KRT6B: variants seen among roughly 807,000 people sequenced by gnomAD.
KRT6B encodes the protein keratin, type II cytoskeletal 6B.
Under a neutral mutation model 44.7 loss-of-function variants are expected in KRT6B, and 29 were observed. That is an observed-to-expected ratio of 0.65 (90% CI 0.48 to 0.88). KRT6B has a LOEUF of 0.88. KRT6B is among the 40% of genes least tolerant of loss of function. KRT6B has a pLI of 0.00. For synonymous variants in KRT6B, 213 were observed against 296.0 expected (o/e 0.72, Z 2.88); for missense variants, 600 against 724.0 (o/e 0.83, Z 1.97).
Position 52,447,281 on chromosome 12 carries a change from G to T in KRT6B, c.1604C>A (p.Thr535Asn). The T allele has an allele frequency of 3.7e-6, 6 of 1,614,028 alleles. No homozygotes were observed. The highest frequency in any genetic ancestry group is 1.1e-5 in the South Asian group (1 of 91,072). ...GGFSSSSGRA[T>N]GGGLSSVGGG... ...TCCAACAGAGCTGAGGCCACCCCCA[G>T]TGGCTCTGCCGCTGCTGGAACTAAA... The change falls in exon 9 of 9, where the codon ACT becomes AAT. Residue 535 changes from threonine (T) to asparagine (N), a missense_variant. Transcript: ENST00000252252.
At chr12:52,448,694 G>C (rs747181350) in intron 6 of KRT6B, 148 bp downstream of exon 6, 57 of 1,307,026 alleles carry the variant, frequency 4.4e-5, no homozygotes, top group Non-Finnish European at 6.1e-5. Context: ...CTGAGCCAGA[G>C]TGTTCTCACT....
At position 52,447,461 on chromosome 12, in the gene KRT6B, C is replaced by T. The variant is rs981009973; in HGVS notation, c.1460-36G>A. The T allele has an allele frequency of 5.0e-6, 8 of 1,613,898 alleles. No individual in the cohort carries two copies. In the African/African-American group the frequency reaches 6.7e-5, roughly 13 times the overall value. ...GAGGGGACAAGGACACAAGAAGCCACAATGAGTTCATCCTGCCGGCCTGAG... is the reference window on the plus strand; with the variant it reads ...GAGGGGACAAGGACACAAGAAGCCATAATGAGTTCATCCTGCCGGCCTGAG... On this transcript the variant is annotated intron_variant, in intron 8 of 8. Transcript: ENST00000252252.
At chr12:52,449,107 G>C in intron 5 of KRT6B, 140 bp from the exon 6 acceptor site, 1 of 1,456,766 alleles carries the variant, frequency 6.9e-7, no homozygotes, top group Non-Finnish European at 9.5e-7. Context: ...TTGATGTTAT[G>C]TGGTGGGTGG....
At chr12:52,448,044 G>A (rs1156299924) in intron 6 of KRT6B, 46 bp from the exon 7 acceptor site, 5 of 1,612,964 alleles carry the variant, frequency 3.1e-6, no homozygotes, top group Middle Eastern at 1.7e-4. Flanking sequence ...TGGTCTTCCA[G>A]AGAAGAATAA....
In KRT6B at chr12:52,449,852, T is replaced by C; in HGVS notation, c.818A>G (p.Asp273Gly). 6.2e-7 allele frequency: 1 copy of C among 1,613,928 alleles called. No homozygotes were observed. The highest frequency in any genetic ancestry group is 8.5e-7 in the Non-Finnish European group (1 of 1,179,852). Residue 273 changes from aspartate (D) to glycine (G), a missense_variant and splice_region_variant, in exon 4 of 9, where the codon GAT (aspartate) becomes GGT (glycine). Physicochemically the swap from Asp to Gly is moderately conservative, Grantham distance 94. This residue lies in a region of KRT6B where 479 missense variants were observed against 454.2 expected (regional missense o/e 1.05). Coordinates refer to ENST00000252252, the MANE Select transcript of KRT6B (RefSeq NM_005555.4). ...AENEFVTLKK[D>G]VDAAYMNKVE... ...CTTGTTCATGTAGGCAGCATCCACA[T>C]CCTGGGGAAAGAGCCAACAACCTGG...
Position 52,447,815 on chromosome 12 carries a change from C to T in KRT6B, c.1387G>A (p.Ala463Thr), listed in dbSNP as rs772103229. The change falls in exon 7 of 9, where the codon GCC becomes ACC. Residue 463 changes from alanine to threonine, a missense_variant. This residue lies in a region of KRT6B where 479 missense variants were observed against 454.2 expected (regional missense o/e 1.05). Coordinates refer to ENST00000252252, the MANE Select transcript of KRT6B (RefSeq NM_005555.4). Reference sequence around the variant, plus strand: ...CCCTCCAGCAGCTTGCGGTAGGTGGCGATCTCCACATCCAGGGCCAGCTTG... The same window carrying T: ...CCCTCCAGCAGCTTGCGGTAGGTGGTGATCTCCACATCCAGGGCCAGCTTG... The part of the protein sequence containing the change: ...NVKLALDVEI[A>T]TYRKLLEGEE... The T allele has an allele frequency of 3.0e-5, 48 of 1,613,970 alleles. No individual in the cohort carries two copies. The highest frequency in any genetic ancestry group is 2.2e-4 in the Admixed American group (13 of 59,998).
rs755045926 is a variant in KRT6B, at chr12:52,449,980, A to G, written c.816+32T>C. The G allele has an allele frequency of 7.4e-6, 12 of 1,613,806 alleles. No individual in the cohort carries two copies. In the Middle Eastern group the frequency reaches 1.3e-3, roughly 178 times the overall value. On this transcript the variant is annotated intron_variant, in intron 3 of 8. Transcript: ENST00000252252. ...CACAGAGCCACTTCTCTCCTTCTAA[A>G]TGAATTTGAACCCCTGGCTTCATCT...
rs532691520 is a variant in KRT6B at position 52,452,144 on chromosome 12, G to A, written c.-66C>T. 8.4e-5 allele frequency: 135 copies of A among 1,610,878 alleles called. 5 individuals are homozygous for A. The South Asian group carries it at 1.5e-3, about 18-fold the overall frequency. On this transcript the variant is annotated 5_prime_UTR_variant, in exon 1 of 9. Coordinates refer to ENST00000252252, the MANE Select transcript of KRT6B (RefSeq NM_005555.4). ...TGGAGGCGAGAGGGAGGAGAAGCAGGACGAGGAATCGGACTCCAGTAGCAG... is the reference window on the plus strand; with the variant it reads ...TGGAGGCGAGAGGGAGGAGAAGCAGAACGAGGAATCGGACTCCAGTAGCAG...
chr12:52,450,691 T>G, intron 1 of KRT6B, 71 bp from the exon 2 acceptor site: 5 of 1,609,646 alleles, frequency 3.1e-6, no homozygotes, highest in Non-Finnish European at 4.2e-6. Flanking sequence ...TCCAGTTTCC[T>G]GGAGGTCTGG....
intron 5 of KRT6B, 121 bp from the exon 6 acceptor site, chr12:52,449,088 G>C: frequency 6.6e-7 from 1 of 1,515,660 alleles, no homozygotes; most frequent in Non-Finnish European, 9.1e-7. Context: ...CAAGAAACTT[G>C]AGGAAAAGTT....
chr12:52,448,885 A>T lies in KRT6B; in HGVS notation c.1160T>A (p.Met387Lys). ...TKQEIAEINRMIQRLRSEIDH... is the reference protein window; with the variant it reads ...TKQEIAEINRKIQRLRSEIDH... ...GATCTCAGATCTCAGCCTCTGGATCATGCGGTTGATCTCAGCAATCTCCTG... is the reference window on the plus strand; with the variant it reads ...GATCTCAGATCTCAGCCTCTGGATCTTGCGGTTGATCTCAGCAATCTCCTG... The change falls in exon 6 of 9, where the codon ATG becomes AAG. Residue 387 changes from methionine to lysine, a missense_variant. Physicochemically the swap from Met to Lys is moderately conservative, Grantham distance 95. Transcript: ENST00000252252. 1 of 1,614,080 alleles carries T rather than the reference A, an allele frequency of 6.2e-7. No individual in the cohort carries two copies. The highest frequency in any genetic ancestry group is 1.7e-5 in the Admixed American group (1 of 60,008).
rs748891526 is a variant in KRT6B at position 52,450,415 on chromosome 12, A to T, written c.746T>A (p.Leu249His). The T allele has an allele frequency of 1.2e-6, 2 of 1,614,132 alleles. No individual in the cohort carries two copies. Among genetic ancestry groups the T allele is most frequent in the East Asian group, 4.5e-5 (2 of 44,888 alleles). The change falls in exon 2 of 9, where the codon CTC becomes CAC. Residue 249 changes from leucine to histidine, a missense_variant. Transcript: ENST00000252252. ...GAAATGGAGTCCTCACTTGTTCTTG[A>T]GGTCCTCCACCAGGTCCTGCATGTT... ...LRNMQDLVED[L>H]KNKYEDEINK...
Position 52,452,139 on chromosome 12 carries a change from A to G in KRT6B, c.-61T>C, listed in dbSNP as rs1385964567. 4.3e-6 allele frequency: 7 copies of G among 1,611,684 alleles called. No individual in the cohort carries two copies. The highest frequency in any genetic ancestry group is 2.2e-5 in the East Asian group (1 of 44,860). ...GAGGCTGGAGGCGAGAGGGAGGAGA[A>G]GCAGGACGAGGAATCGGACTCCAGT... On this transcript the variant is annotated 5_prime_UTR_variant, in exon 1 of 9. Transcript: ENST00000252252.
Position 52,447,882 on chromosome 12 carries a change from G to T in KRT6B, c.1320C>A (p.Asp440Glu). The T allele has an allele frequency of 1.2e-6, 2 of 1,614,192 alleles. No homozygotes were observed. The highest frequency in any genetic ancestry group is 1.7e-6 in the Non-Finnish European group (2 of 1,180,046). Residue 440 changes from aspartate (D) to glutamate (E), a missense_variant, in exon 7 of 9, where the codon GAC (aspartate) becomes GAA (glutamate). Transcript: ENST00000252252. Reference protein sequence around the residue: ...LEDALQKAKQDLARLLKEYQE... With the variant: ...LEDALQKAKQELARLLKEYQE... ...GGTACTCCTTCAGCAGCCGGGCCAG[G>T]TCCTGCTTGGCCTTCTGCAGGGCAT...
chr12:52,450,638 T>G lies in KRT6B; in HGVS notation c.541-18A>C, dbSNP rs1448344736. The stretch of plus-strand genomic sequence containing the variant: ...AACCGCACCTGGAGGGGAAGCAAAA[T>G]GGTCATTTTCCAGGAAAAGGAAGGC... On this transcript the variant is annotated intron_variant, in intron 1 of 8. Transcript: ENST00000252252. 1.2e-6 allele frequency: 2 copies of G among 1,613,918 alleles called. No homozygotes were observed. The highest frequency in any genetic ancestry group is 2.7e-5 in the African/African-American group (2 of 74,898).
In KRT6B at chr12:52,450,420, C is replaced by G. The variant is rs748003288; in HGVS notation, c.741G>C (p.Glu247Asp). The change falls in exon 2 of 9, where the codon GAG (glutamate) becomes GAC (aspartate). Residue 247 changes from glutamate to aspartate, a missense_variant. Physicochemically the swap from Glu to Asp is conservative, Grantham distance 45 (BLOSUM62 2). This residue lies in a region of KRT6B where 479 missense variants were observed against 454.2 expected (regional missense o/e 1.05). Transcript: ENST00000252252. ...GGAGTCCTCACTTGTTCTTGAGGTC[C>G]TCCACCAGGTCCTGCATGTTTCTCA... is the stretch of plus-strand genomic sequence containing the variant. ...SELRNMQDLV[E>D]DLKNKYEDEI... The G allele has an allele frequency of 2.4e-5, 39 of 1,613,780 alleles. No homozygotes were observed. In the East Asian group the frequency reaches 8.1e-4, roughly 33 times the overall value.
At chr12:52,447,467 G>A (rs766994310) in intron 8 of KRT6B, 42 bp from the exon 9 acceptor site, 3 of 1,614,050 alleles carry the variant, frequency 1.9e-6, no homozygotes, top group East Asian at 2.2e-5. Flanking sequence ...GCCACAATGA[G>A]TTCATCCTGC....
chr12:52,447,692 T>C lies in KRT6B; in HGVS notation c.1424+86A>G, dbSNP rs545798383. On this transcript the variant is annotated intron_variant, in intron 7 of 8. Coordinates refer to ENST00000252252, the MANE Select transcript of KRT6B (RefSeq NM_005555.4). ...TCTCCCAAGAAGAGCAATTATGGCC[T>C]TGGGCAGTGCACCTTAAAGTTGTGC... 6.2e-6 allele frequency: 10 copies of C among 1,614,022 alleles called. No individual in the cohort carries two copies. The East Asian group carries it at 2.0e-4, about 32-fold the overall frequency.
chr12:52,450,158 T>G (rs1940375048), intron 2 of KRT6B, 86 bp from the exon 3 acceptor site: 1 of 1,610,360 alleles, frequency 6.2e-7, no homozygotes, highest in Non-Finnish European at 8.5e-7. Context: ...TTTTCCTGAA[T>G]GGAATATATT....
Sources: allele counts gnomAD v4.1 joint callset, GRCh38; gene constraint gnomAD v4.1.1; regional missense constraint gnomAD v4.1.1; transcripts MANE v1.5; gene names NCBI Gene and HGNC (gene_info 2026-07-23, HGNC 2026-07-21).